HSD17B14: variants seen among roughly 807,000 people sequenced by gnomAD.
HSD17B14 encodes the protein L-fucose dehydrogenase.
A neutral mutation model predicts 32.2 loss-of-function variants in HSD17B14; 32 were observed. The ratio of observed to expected loss-of-function variants is 0.99; its 90% CI spans 0.75 to 1.33. The LOEUF is 1.33. Among genes scored for constraint, HSD17B14 ranks in the 40% most tolerant of loss-of-function variants. The probability of loss-of-function intolerance (pLI) is 0.00; values close to 1 mark genes in which losing one functional copy is unlikely to be tolerated. For missense variants in HSD17B14, 370 were observed against 366.5 expected, an observed-to-expected ratio of 1.01 and a Z score of -0.08; for synonymous variants, 140 against 155.4, an observed-to-expected ratio of 0.90 and a Z score of 0.74.
intron 5 of HSD17B14, among the ~76,000 whole-genome samples, chr19:48,824,162 G>A (rs2035204226): frequency 2.8e-5 from 1 of 35,228 alleles, no homozygotes; most frequent in Admixed American, 3.2e-4. Context: ...GCTGAGGCAG[G>A]AGAATGGCTT....
chr19:48,816,401 G>A (rs973495516), intron 5 of HSD17B14, among the ~76,000 whole-genome samples: 4 of 152,092 alleles, frequency 2.6e-5, no homozygotes, highest in East Asian at 1.9e-4. Flanking sequence ...CACACCCTGC[G>A]TGTTCAAACC....
At chr19:48,820,407 T>A (rs1039311489) in intron 5 of HSD17B14, among the ~76,000 whole-genome samples, 1 of 151,088 alleles carries the variant, frequency 6.6e-6, no homozygotes, top group Non-Finnish European at 1.5e-5. Context: ...GAGGTGGAGA[T>A]TGCAGTGAGC....
In HSD17B14 at chr19:48,813,354, G is replaced by A. The variant is rs367585874; in HGVS notation, c.640-6C>T. On this transcript the variant is annotated splice_polypyrimidine_tract_variant and splice_region_variant and intron_variant, in intron 8 of 8. Coordinates refer to ENST00000263278, the MANE Select transcript of HSD17B14 (RefSeq NM_016246.3). ...TGGCCCATGCGGCCCAGTGGCTGGG[G>A]AGAAAAGAGGGGGGAAGGAGGTCAA... 3 of 1,569,590 alleles carry A rather than the reference G, an allele frequency of 1.9e-6. No homozygotes were observed. The highest frequency in any genetic ancestry group is 2.6e-6 in the Non-Finnish European group (3 of 1,156,800).
intron 5 of HSD17B14, among the ~76,000 whole-genome samples, chr19:48,828,144 G>T (rs1055209576): frequency 6.6e-6 from 1 of 152,188 alleles, no homozygotes. Context: ...ATGAGGTGCC[G>T]CGCCCGGCCA....
chr19:48,831,568 TAAAAA>T (rs2122793531), intron 5 of HSD17B14, 95 bp downstream of exon 5: 1 of 863,044 alleles, frequency 1.2e-6, no homozygotes, highest in South Asian at 1.3e-5. Context: ...AACAAACAAA[TAAAAA>T]GAACGGAAAA....
chr19:48,835,576 T>C (rs1261222678), intron 2 of HSD17B14, among the ~76,000 whole-genome samples: 3 of 143,406 alleles, frequency 2.1e-5, no homozygotes, highest in African/African-American at 8.0e-5. Context: ...CTTCTGGGTC[T>C]GAGGGAGGAG....
intron 5 of HSD17B14, among the ~76,000 whole-genome samples, chr19:48,819,783 G>T (rs544410220): frequency 1.3e-5 from 2 of 152,280 alleles, no homozygotes; most frequent in Non-Finnish European, 1.5e-5. Flanking sequence ...AGACCTGGCT[G>T]CCCAGGACTG....
chr19:48,814,395 A>T (rs1038404148), intron 6 of HSD17B14, among the ~76,000 whole-genome samples: 18 of 149,712 alleles, frequency 1.2e-4, no homozygotes, highest in Admixed American at 8.0e-4. Context: ...GGTGACAGCC[A>T]CCTGTAATCT....
intron 6 of HSD17B14, 142 bp downstream of exon 6, chr19:48,814,895 C>A: frequency 3.3e-6 from 2 of 599,754 alleles, no homozygotes; most frequent in Non-Finnish European, 6.1e-6. Flanking sequence ...GGCAGTTATG[C>A]CTGGGTGCTG....
At chr19:48,835,372 T>C (rs2035470001) in intron 2 of HSD17B14, among the ~76,000 whole-genome samples, 1 of 96,552 alleles carries the variant, frequency 1.0e-5, no homozygotes, top group Non-Finnish European at 2.0e-5. Flanking sequence ...GAGGAGGGGC[T>C]GAGGTCTGGA....
In HSD17B14 at chr19:48,815,059, G is replaced by C. The variant is rs955252146; in HGVS notation, c.452C>G (p.Ala151Gly). 1.2e-6 allele frequency: 2 copies of C among 1,613,812 alleles called. No individual in the cohort carries two copies. The highest frequency in any genetic ancestry group is 1.7e-6 in the Non-Finnish European group (2 of 1,179,838). ...SLVGAIGQAQ[A>G]VPYVATKGAV... ...TACCTTGGTGGCCACATAGGGAACTGCCTGGGCCTGGCCGATTGCCCCCAC... is the reference window on the plus strand; with the variant it reads ...TACCTTGGTGGCCACATAGGGAACTCCCTGGGCCTGGCCGATTGCCCCCAC... The change falls in exon 6 of 9, where the codon GCA (alanine) becomes GGA (glycine). Residue 151 changes from alanine to glycine, a missense_variant. By Grantham distance (60) the Ala-to-Gly change is moderately conservative (BLOSUM62 0). Transcript: ENST00000263278.
chr19:48,833,426 T>C (rs2035382100), intron 3 of HSD17B14, among the ~76,000 whole-genome samples: 1 of 152,154 alleles, frequency 6.6e-6, no homozygotes, highest in African/African-American at 2.4e-5. Context: ...GTGCAGTGGC[T>C]CACACCTGTA....
intron 5 of HSD17B14, among the ~76,000 whole-genome samples, chr19:48,822,855 ATGG>A (rs1368801876): frequency 1.3e-5 from 2 of 151,726 alleles, no homozygotes; most frequent in Admixed American, 6.6e-5. Context: ...GTTGATGGTG[ATGG>A]TGGTGATGGT....
chr19:48,821,760 GGAT>G (rs79954085), intron 5 of HSD17B14, among the ~76,000 whole-genome samples: 21,467 of 149,924 alleles, frequency 0.14, 2,020 homozygotes, highest in Non-Finnish European at 0.21. Flanking sequence ...ATGGTGATGA[GGAT>G]GATGATAAGG....
chr19:48,828,413 T>C (rs1408206973), intron 5 of HSD17B14, among the ~76,000 whole-genome samples: 1 of 150,640 alleles, frequency 6.6e-6, no homozygotes, highest in African/African-American at 2.4e-5. Flanking sequence ...AGGCAAGGAG[T>C]TCGAGACCAG....
Position 48,826,528 on chromosome 19 carries a change from A to AATAT in HSD17B14, c.369+5136_369+5139dup, listed in dbSNP as rs1555776984. ...AAAAAAAAGTAAAAGAAAAGAAGAA[A>AATAT]ATATATATATATATACACACACACA... On this transcript the variant is annotated intron_variant, in intron 5 of 8. Transcript: ENST00000263278. 9.1e-4 allele frequency among the ~76,000 whole-genome samples: 21 copies of AATAT among 23,090 alleles called. 2 individuals carry two copies. The highest frequency in any genetic ancestry group is 2.7e-3 in the East Asian group (1 of 376). The allele number at this position is 23,090 out of a possible 152,430, so 15.1% of individuals were successfully genotyped here.
chr19:48,818,756 T>C (rs2122749621), intron 5 of HSD17B14, among the ~76,000 whole-genome samples: 1 of 152,044 alleles, frequency 6.6e-6, no homozygotes, highest in South Asian at 2.1e-4. Context: ...TGTCAGTGCT[T>C]TGGGAGACTG....
chr19:48,817,518 AC>A (rs1599827031), intron 5 of HSD17B14, among the ~76,000 whole-genome samples: 1 of 151,704 alleles, frequency 6.6e-6, no homozygotes, highest in African/African-American at 2.4e-5. Flanking sequence ...CAGTTCCCAC[AC>A]CCCTGGGTCC....
intron 5 of HSD17B14, among the ~76,000 whole-genome samples, chr19:48,825,237 CAAAAAAA>C (rs60266504): frequency 2.2e-5 from 2 of 89,078 alleles, no homozygotes; most frequent in Non-Finnish European, 4.4e-5. Context: ...GACTCCGTCG[CAAAAAAA>C]AAAAAAAAAA....
Sources: gnomAD v4.1 joint callset for allele counts (sites outside exome capture counted in the v4.1 genomes callset) on GRCh38, gnomAD v4.1.1 for gene constraint, MANE v1.5 for transcripts, NCBI Gene and HGNC (gene_info 2026-07-23, HGNC 2026-07-21) for gene names.